PLEKHD1: variants seen among roughly 807,000 people sequenced by gnomAD.
The protein encoded by PLEKHD1 is pleckstrin homology and coiled-coil domain containing D1, also known as pleckstrin homology domain-containing family D member 1.
Under a neutral mutation model 69.2 loss-of-function variants are expected in PLEKHD1, and 51 were observed. That is an observed-to-expected ratio of 0.74 (90% CI 0.59 to 0.93). The LOEUF is 0.93. PLEKHD1 is among the 40% of genes least tolerant of loss of function. PLEKHD1 has a pLI of 0.00. For synonymous variants in PLEKHD1, 236 were observed against 244.7 expected (o/e 0.96, Z 0.33); for missense variants, 584 against 641.0 (o/e 0.91, Z 0.96).
rs761845686 is a variant in PLEKHD1 at position 69,485,078 on chromosome 14, G to T, written c.113G>T (p.Arg38Met). Residue 38 changes from arginine (R) to methionine (M), a missense_variant, in exon 1 of 13, where the codon AGG (arginine) becomes ATG (methionine). By Grantham distance (91) the Arg-to-Met change is moderately conservative. Coordinates refer to ENST00000322564, the MANE Select transcript of PLEKHD1 (RefSeq NM_001161498.2). ...CAGCTCTACGGCGTGCTGTGGAAGA[G>T]GCCTTTCGGCAGGCCGTCGGCCAAG... ...KVQLYGVLWK[R>M]PFGRPSAKWS... is the part of the protein sequence containing the mutation. 3 of 1,551,050 alleles carry T rather than the reference G, an allele frequency of 1.9e-6. No individual in the cohort carries two copies. The African/African-American group carries it at 4.1e-5, about 21-fold the overall frequency.
At chr14:69,502,752 G>C in intron 5 of PLEKHD1, 75 bp from the exon 6 acceptor site, 1 of 1,537,368 alleles carries the variant, frequency 6.5e-7, no homozygotes, top group East Asian at 2.4e-5. Context: ...ACCACCTCAG[G>C]CACCAGCTCC....
At chr14:69,505,833 T>A (rs1025068434) in intron 6 of PLEKHD1, among the ~76,000 whole-genome samples, 1 of 152,166 alleles carries the variant, frequency 6.6e-6, no homozygotes, top group African/African-American at 2.4e-5. Flanking sequence ...TCCTGACTCA[T>A]CTTCCCAGAG....
chr14:69,490,469 G>A (rs981859249), intron 1 of PLEKHD1, among the ~76,000 whole-genome samples: 1 of 152,184 alleles, frequency 6.6e-6, no homozygotes, highest in African/African-American at 2.4e-5. Context: ...GTGTGGCCCA[G>A]TTCCTAACAG....
chr14:69,494,554 C>A (rs376963948), intron 1 of PLEKHD1, among the ~76,000 whole-genome samples: 2 of 152,218 alleles, frequency 1.3e-5, no homozygotes, highest in Admixed American at 1.3e-4. Flanking sequence ...AATGCCCAAC[C>A]GTCCACAATT....
chr14:69,507,099 C>G (rs1883170179), intron 6 of PLEKHD1, among the ~76,000 whole-genome samples: 2 of 152,004 alleles, frequency 1.3e-5, no homozygotes, highest in South Asian at 2.1e-4. Context: ...ACCGTGTTAG[C>G]CAGGATGGCC....
intron 1 of PLEKHD1, among the ~76,000 whole-genome samples, chr14:69,487,435 G>A (rs1882679025): frequency 6.6e-6 from 1 of 152,248 alleles, no homozygotes; most frequent in African/African-American, 2.4e-5. Flanking sequence ...GCAGAGCCTT[G>A]CCATTAGGGC....
intron 7 of PLEKHD1, 94 bp from the exon 8 acceptor site, chr14:69,524,135 C>T: frequency 1.9e-6 from 2 of 1,030,752 alleles, no homozygotes; most frequent in Non-Finnish European, 2.9e-6. Context: ...TGAGCCCCAT[C>T]AGGAAGTGAA....
At chr14:69,509,316 A>G (rs929728947) in intron 6 of PLEKHD1, among the ~76,000 whole-genome samples, 2 of 152,032 alleles carry the variant, frequency 1.3e-5, no homozygotes, top group Admixed American at 6.6e-5. Context: ...TTGTTTTCTT[A>G]TTCTCTTGAT....
At position 69,523,002 on chromosome 14, in the gene PLEKHD1, C is replaced by T. The variant is rs749097975; in HGVS notation, c.650+625C>T. On this transcript the variant is annotated intron_variant, in intron 7 of 12. Coordinates refer to ENST00000322564, the MANE Select transcript of PLEKHD1 (RefSeq NM_001161498.2). ...AGGCTGGAGTGCAGTGGCACGATCT[C>T]GGCTCACTGCAGCCCCGCCTCCTGG... Among the ~76,000 whole-genome samples the T allele has an allele frequency of 3.3e-5, 5 of 152,216 alleles. No homozygotes were observed. In the East Asian group the frequency reaches 7.7e-4, roughly 24 times the overall value.
intron 1 of PLEKHD1, among the ~76,000 whole-genome samples, chr14:69,489,558 C>CAAAAAAAAAAAAAA: frequency 1.7e-5 from 1 of 59,876 alleles, no homozygotes; most frequent in Non-Finnish European, 2.8e-5. Flanking sequence ...TACTCCATCT[C>CAAAAAAAAAAAAAA]AAAAAAAAAA....
intron 6 of PLEKHD1, among the ~76,000 whole-genome samples, chr14:69,518,316 C>T (rs1182566550): frequency 1.3e-5 from 2 of 152,294 alleles, no homozygotes; most frequent in East Asian, 3.9e-4. Flanking sequence ...GCTAGGATTA[C>T]AGGCATGAGC....
rs368961061 is a variant in PLEKHD1 at position 69,528,617 on chromosome 14, C to T, written c.*198C>T. 4 of 733,524 alleles carry T rather than the reference C, an allele frequency of 5.5e-6. No homozygotes were observed. The highest frequency in any genetic ancestry group is 3.0e-5 in the Admixed American group (1 of 33,828). The allele number at this position is 733,524 out of a possible 1,614,324, so 45.4% of individuals were successfully genotyped here. ...CTGCCTTCCTCATCCTCACCCCACACCCCACCTTTGGGTCCACACCAGGGC... is the reference window on the plus strand; with the variant it reads ...CTGCCTTCCTCATCCTCACCCCACATCCCACCTTTGGGTCCACACCAGGGC... On this transcript the variant is annotated 3_prime_UTR_variant, in exon 13 of 13. Coordinates refer to ENST00000322564, the MANE Select transcript of PLEKHD1 (RefSeq NM_001161498.2).
In PLEKHD1 at chr14:69,500,152, T is replaced by A; in HGVS notation, c.187T>A (p.Ser63Thr). 6.4e-7 allele frequency: 1 copy of A among 1,550,904 alleles called. No homozygotes were observed. The highest frequency in any genetic ancestry group is 8.7e-7 in the Non-Finnish European group (1 of 1,146,344). Residue 63 changes from serine (S) to threonine (T), a missense_variant, in exon 2 of 13, where the codon TCT (serine) becomes ACT (threonine). Transcript: ENST00000322564. ...CAAAGAGAGCTTTCTGCTTTACTAC[T>A]CTGAGAGCGAAAAAAAGAGCTTTGA... ...IIKESFLLYY[S>T]ESEKKSFETN...
At chr14:69,484,700 C>G (rs1375712343), upstream of PLEKHD1, 2 of 383,754 alleles carry the variant, frequency 5.2e-6, no homozygotes, top group South Asian at 5.6e-5. Flanking sequence ...GAGATGCTGC[C>G]GGCCCGAGGC....
chr14:69,506,491 C>T (rs1000554490), intron 6 of PLEKHD1, among the ~76,000 whole-genome samples: 2 of 152,144 alleles, frequency 1.3e-5, no homozygotes, highest in Non-Finnish European at 1.5e-5. Context: ...ACACTGGCTT[C>T]CTTTAAGAAA....
At chr14:69,480,459 G>T (rs1398663373), upstream of PLEKHD1, among the ~76,000 whole-genome samples, 2 of 152,212 alleles carry the variant, frequency 1.3e-5, no homozygotes, top group Non-Finnish European at 2.9e-5. Context: ...TGGGGTCAGG[G>T]ACAGAGGGGC....
intron 6 of PLEKHD1, among the ~76,000 whole-genome samples, chr14:69,514,849 G>A (rs1883348572): frequency 6.6e-6 from 1 of 152,102 alleles, no homozygotes; most frequent in South Asian, 2.1e-4. Context: ...CTTCCCCCAA[G>A]TAGGTTACAC....
At chr14:69,475,578 A>T in the PLEKHD1 span, among the ~76,000 whole-genome samples, 1 of 152,222 alleles carries the variant, frequency 6.6e-6, no homozygotes, top group Admixed American at 6.5e-5. Context: ...ATGAGAACAC[A>T]GCCCATCTAG....
At chr14:69,493,230 T>G (rs1232060032) in intron 1 of PLEKHD1, among the ~76,000 whole-genome samples, 1 of 152,218 alleles carries the variant, frequency 6.6e-6, no homozygotes, top group African/African-American at 2.4e-5. Flanking sequence ...GACCAGCAGC[T>G]TGCAGTCACT....
Sources: allele counts gnomAD v4.1 joint callset (sites outside exome capture counted in the v4.1 genomes callset), GRCh38; gene constraint gnomAD v4.1.1; transcripts MANE v1.5; gene names NCBI Gene and HGNC (gene_info 2026-07-23, HGNC 2026-07-21).